C10orf90: variants seen among roughly 807,000 people sequenced by gnomAD.
C10orf90 encodes chromosome 10 open reading frame 90.
C10orf90 carries 56 observed loss-of-function variants against 62.5 expected under a neutral mutation model. The ratio of observed to expected loss-of-function variants is 0.90; its 90% confidence interval spans 0.72 to 1.12. The LOEUF (loss-of-function observed/expected upper bound fraction) is 1.12. C10orf90 is among the 50% of genes most tolerant of loss of function. The pLI is 0.00. For missense variants in C10orf90, 970 were observed against 880.4 expected, an observed-to-expected ratio of 1.10 and a Z score of -1.29; for synonymous variants, 386 against 340.4, an observed-to-expected ratio of 1.13 and a Z score of -1.47.
At chr10:126,501,553 A>AT (rs1265498398) in intron 4 of C10orf90, among the ~76,000 whole-genome samples, 1 of 152,036 alleles carries the variant, frequency 6.6e-6, no homozygotes, top group Non-Finnish European at 1.5e-5. Context: ...TAGAGCTGAA[A>AT]TTTTTTAAGC....
At chr10:126,619,632 T>C (rs1265973233) in intron 2 of C10orf90, among the ~76,000 whole-genome samples, 4 of 152,228 alleles carry the variant, frequency 2.6e-5, no homozygotes, top group Non-Finnish European at 4.4e-5. Context: ...GGTTGTTTTT[T>C]TCTTTTTCAT....
chr10:126,645,039 C>G (rs888658593), intron 2 of C10orf90, among the ~76,000 whole-genome samples: 10 of 151,730 alleles, frequency 6.6e-5, no homozygotes, highest in Non-Finnish European at 1.0e-4. Flanking sequence ...CATATTCTCA[C>G]TCATAGGTGG....
At chr10:126,481,677 C>T (rs1861167452) in intron 4 of C10orf90, among the ~76,000 whole-genome samples, 1 of 152,196 alleles carries the variant, frequency 6.6e-6, no homozygotes, top group Non-Finnish European at 1.5e-5. Context: ...GAAAACACCA[C>T]CCTAAAATGA....
At chr10:126,428,654 A>C (rs538464493) in intron 8 of C10orf90, among the ~76,000 whole-genome samples, 2 of 135,160 alleles carry the variant, frequency 1.5e-5, no homozygotes, top group African/African-American at 5.0e-5. Context: ...TTTGAGATCT[A>C]TTATTTTAAT....
chr10:126,631,629 T>C (rs1035456024), intron 2 of C10orf90, among the ~76,000 whole-genome samples: 4 of 151,880 alleles, frequency 2.6e-5, no homozygotes, highest in African/African-American at 9.7e-5. Flanking sequence ...TCCTGGTGCA[T>C]AGGAAGTATT....
chr10:126,498,087 C>T (rs1199081945), intron 4 of C10orf90, among the ~76,000 whole-genome samples: 2 of 152,204 alleles, frequency 1.3e-5, no homozygotes, highest in African/African-American at 4.8e-5. Context: ...GCACCCAATT[C>T]ATTAGGAAGA....
At chr10:126,521,507 C>T (rs898772299) in intron 2 of C10orf90, 22 of 1,390,062 alleles carry the variant, frequency 1.6e-5, no homozygotes, top group African/African-American at 8.7e-5. Context: ...ATGAAGTCAC[C>T]GGAATGTTTA....
chr10:126,441,809 C>G (rs1590903011), intron 7 of C10orf90, among the ~76,000 whole-genome samples: 1 of 152,042 alleles, frequency 6.6e-6, no homozygotes, highest in African/African-American at 2.4e-5. Context: ...AGGAAAGATA[C>G]AGTATTTTTC....
At chr10:126,571,329 G>C (rs764930883) in intron 2 of C10orf90, among the ~76,000 whole-genome samples, 9 of 152,178 alleles carry the variant, frequency 5.9e-5, no homozygotes, top group African/African-American at 2.2e-4. Flanking sequence ...GACTCACCAG[G>C]GCAACGATTT....
rs963431806 is a variant in C10orf90, at chr10:126,505,004, T to C, written c.487A>G (p.Asn163Asp). 5 of 1,614,118 alleles carry C rather than the reference T, an allele frequency of 3.1e-6. No individual in the cohort carries two copies. In the African/African-American group the frequency reaches 6.7e-5, roughly 22 times the overall value. Residue 163 changes from asparagine to aspartate, a missense_variant, in exon 4 of 10, where the codon AAC becomes GAC. Transcript: ENST00000488181. ...CACGGTAGGGGCAAGGAGGCCCTGT[T>C]TTCTCTTGACTTATTCTCATCAATC... The part of the protein sequence containing the change: ...QMIDENKSRE[N>D]RASLPLPCAI...
At chr10:126,632,359 C>T (rs1845867731) in intron 2 of C10orf90, among the ~76,000 whole-genome samples, 2 of 151,904 alleles carry the variant, frequency 1.3e-5, no homozygotes, top group Non-Finnish European at 2.9e-5. Context: ...AGATCATTGG[C>T]CCCCACTGCA....
At chr10:126,634,236 A>G (rs1365935503) in intron 2 of C10orf90, among the ~76,000 whole-genome samples, 1 of 152,226 alleles carries the variant, frequency 6.6e-6, no homozygotes, top group African/African-American at 2.4e-5. Context: ...GTGTCCATCA[A>G]TAGGTGAATG....
intron 2 of C10orf90, among the ~76,000 whole-genome samples, chr10:126,638,597 G>A (rs994701367): frequency 3.3e-5 from 5 of 151,922 alleles, no homozygotes; most frequent in Non-Finnish European, 5.9e-5. Context: ...GCCTAACATC[G>A]AGGTCCAGTA....
chr10:126,450,655 A>G (rs1285770595), intron 7 of C10orf90, among the ~76,000 whole-genome samples: 1 of 152,222 alleles, frequency 6.6e-6, no homozygotes, highest in Non-Finnish European at 1.5e-5. Flanking sequence ...GAAGAATGAA[A>G]TTAGACTTTT....
chr10:126,586,215 A>G (rs1178325269), intron 2 of C10orf90, among the ~76,000 whole-genome samples: 1 of 152,228 alleles, frequency 6.6e-6, no homozygotes, highest in Non-Finnish European at 1.5e-5. Context: ...ACAAACCAAT[A>G]TCAGGTGGAA....
Position 126,429,822 on chromosome 10 carries a change from G to C in C10orf90, c.2217C>G (p.Cys739Trp), listed in dbSNP as rs746855149. 2 of 1,614,016 alleles carry C rather than the reference G, an allele frequency of 1.2e-6. No homozygotes were observed. The highest frequency in any genetic ancestry group is 1.1e-5 in the South Asian group (1 of 91,068). ...GCATATGCATCTCCTTCTCTGAAAT[G>C]CACCGTTCTTTGGGTTTGAACAAGT... Reference protein sequence around the residue: ...SDNLFKPKERCISEKEMHMRS... With the variant: ...SDNLFKPKERWISEKEMHMRS... The change falls in exon 8 of 10, where the codon TGC becomes TGG. Residue 739 changes from cysteine (C) to tryptophan (W), a missense_variant. Coordinates refer to ENST00000488181, the MANE Select transcript of C10orf90 (RefSeq NM_001350921.2).
At chr10:126,475,519 C>T (rs1173581210) in intron 4 of C10orf90, among the ~76,000 whole-genome samples, 4 of 152,194 alleles carry the variant, frequency 2.6e-5, no homozygotes, top group African/African-American at 9.7e-5. Flanking sequence ...TTAGCATGGC[C>T]GTCATTCTTG....
At chr10:126,553,676 G>T (rs1041673411) in intron 2 of C10orf90, among the ~76,000 whole-genome samples, 1 of 152,118 alleles carries the variant, frequency 6.6e-6, no homozygotes, top group Non-Finnish European at 1.5e-5. Context: ...AGGGGTAATA[G>T]GCTGTATCAT....
chr10:126,484,745 A>G lies in C10orf90; in HGVS notation c.1534+19212T>C, dbSNP rs560679905. On this transcript the variant is annotated intron_variant, in intron 4 of 9. Coordinates refer to ENST00000488181, the MANE Select transcript of C10orf90 (RefSeq NM_001350921.2). ...ATAGCTTAAGAACATAAACATAGGT[A>G]TAGTCAAAGTTTTACACATACAGAT... 3.3e-5 allele frequency among the ~76,000 whole-genome samples: 5 copies of G among 152,348 alleles called. No individual in the cohort carries two copies. In the East Asian group the frequency reaches 9.6e-4, roughly 29 times the overall value.
Sources: allele counts gnomAD v4.1 joint callset (sites outside exome capture counted in the v4.1 genomes callset), GRCh38; gene constraint gnomAD v4.1.1; transcripts MANE v1.5; gene names NCBI Gene and HGNC (gene_info 2026-07-23, HGNC 2026-07-21).